Variants in MYZAP observed in about 807,000 individuals in gnomAD.
The protein encoded by MYZAP is GRINL1A complex locus upstream.
In MYZAP, 66 loss-of-function variants were observed where a neutral mutation model predicts 69.4. That is an observed-to-expected ratio of 0.95 (90% CI 0.78 to 1.17). MYZAP has a LOEUF of 1.17. MYZAP is among the 50% of genes most tolerant of loss of function. MYZAP has a pLI of 0.00. For synonymous variants in MYZAP, 256 were observed against 205.9 expected (o/e 1.24, Z -2.09); for missense variants, 611 against 556.2 (o/e 1.10, Z -0.99).
rs568668890 is a variant in MYZAP at position 57,609,021 on chromosome 15, G to A, written c.162+4666G>A. ...TTCCCTTAACCTACAGGACACCCAG[G>A]CTGCCCCTTTCACTTGGCACCTAGC... On this transcript the variant is annotated intron_variant, in intron 2 of 12. Coordinates refer to ENST00000267853, the MANE Select transcript of MYZAP (RefSeq NM_001018100.5). Among the ~76,000 whole-genome samples, 6 of 152,266 alleles carry A rather than the reference G, an allele frequency of 3.9e-5. No homozygotes were observed. In the South Asian group the frequency reaches 6.2e-4, roughly 16 times the overall value.
chr15:57,633,917 C>G (rs1347497877), intron 8 of MYZAP, among the ~76,000 whole-genome samples, 176 bp downstream of exon 8: 1 of 151,882 alleles, frequency 6.6e-6, no homozygotes, highest in Non-Finnish European at 1.5e-5. Context: ...TCTCATTTTT[C>G]CCATGATAAC....
rs148576866 is a variant in MYZAP at position 57,603,778 on chromosome 15, A to G, written c.76-491A>G. Among the ~76,000 whole-genome samples, 4 of 152,308 alleles carry G rather than the reference A, an allele frequency of 2.6e-5. No individual in the cohort carries two copies. The East Asian group carries it at 7.7e-4, about 29-fold the overall frequency. On this transcript the variant is annotated intron_variant, in intron 1 of 12. Coordinates refer to ENST00000267853, the MANE Select transcript of MYZAP (RefSeq NM_001018100.5). ...CTTCCACCTTTTGGCTATTGTGGAT[A>G]ATGCTGCTATGAACATGGGTATATG...
In MYZAP at chr15:57,625,778, G is replaced by A. The variant is rs1203936207; in HGVS notation, c.412-1G>A. The A allele has an allele frequency of 3.7e-6, 6 of 1,614,018 alleles. No homozygotes were observed. Among genetic ancestry groups the A allele is most frequent in the Non-Finnish European group, 3.4e-6 (4 of 1,180,006 alleles). ...TGTGACTGTCTCCTCGATCTGTCCA[G>A]GTTTCCCATGCTCAGCAGGAGTATC... On this transcript the variant is annotated splice_acceptor_variant, in intron 4 of 12. Coordinates refer to ENST00000267853, the MANE Select transcript of MYZAP (RefSeq NM_001018100.5). LOFTEE classifies it high-confidence loss of function.
At position 57,597,949 on chromosome 15, in the gene MYZAP, G is replaced by T. The variant is rs189146798; in HGVS notation, c.75+5840G>T. Among the ~76,000 whole-genome samples the T allele has an allele frequency of 2.1e-4, 32 of 152,294 alleles. No homozygotes were observed. The East Asian group carries it at 5.8e-3, about 28-fold the overall frequency. The stretch of plus-strand genomic sequence containing the variant: ...AAGGGCCCCACCTTTTATCATTAAG[G>T]GGAGCTGGGCAGGGACCCACAGTCA... On this transcript the variant is annotated intron_variant, in intron 1 of 12. Transcript: ENST00000267853.
At chr15:57,638,273 G>T (rs2036932483) in intron 9 of MYZAP, among the ~76,000 whole-genome samples, 1 of 152,182 alleles carries the variant, frequency 6.6e-6, no homozygotes, top group South Asian at 2.1e-4. Flanking sequence ...CCATTCAGGG[G>T]TCTCTAGTGA....
At chr15:57,592,798 G>T (rs2033767459) in intron 1 of MYZAP, among the ~76,000 whole-genome samples, 1 of 152,174 alleles carries the variant, frequency 6.6e-6, no homozygotes, top group African/African-American at 2.4e-5. Context: ...CTCTGTAAAA[G>T]AAATGCTCCA....
In MYZAP at chr15:57,654,002, C is replaced by CAAAAAAAAAAAAAAAAA. The variant is rs398043344; in HGVS notation, c.1120-7434_1120-7418dup. ...CCTGGGTTACAGAGGCAAACGCTGT[C>CAAAAAAAAAAAAAAAAA]AAAAAAAAAAAAAAAAAAAAAAAAA... On this transcript the variant is annotated intron_variant, in intron 10 of 12. Transcript: ENST00000267853. 1.1e-4 allele frequency among the ~76,000 whole-genome samples: 4 copies of CAAAAAAAAAAAAAAAAA among 36,092 alleles called. 1 individual carries two copies. Among genetic ancestry groups the CAAAAAAAAAAAAAAAAA allele is most frequent in the East Asian group, 3.0e-3 (2 of 664 alleles). 23.7% of individuals were successfully genotyped at this position (36,092 alleles called of 152,430 possible).
intron 4 of MYZAP, among the ~76,000 whole-genome samples, chr15:57,623,693 A>T (rs1013161999): frequency 6.6e-6 from 1 of 151,642 alleles, no homozygotes; most frequent in Non-Finnish European, 1.5e-5. Context: ...AGACTGTGCC[A>T]CTGCACTCCA....
intron 8 of MYZAP, among the ~76,000 whole-genome samples, chr15:57,636,395 CT>C (rs2036819021): frequency 6.6e-6 from 1 of 152,182 alleles, no homozygotes; most frequent in East Asian, 1.9e-4. Context: ...TTCCCCACCC[CT>C]TTGGCCTACC....
chr15:57,676,422 G>GTATATATGTATATATATGTA (rs2039125630), intron 12 of MYZAP, among the ~76,000 whole-genome samples: 1 of 24,662 alleles, frequency 4.1e-5, no homozygotes, highest in African/African-American at 6.4e-5. Flanking sequence ...ATATATATGT[G>GTATATATGTATATATATGTA]TATATATATA....
At chr15:57,631,247 T>C (rs868272541) in intron 6 of MYZAP, among the ~76,000 whole-genome samples, 6 of 152,204 alleles carry the variant, frequency 3.9e-5, no homozygotes, top group African/African-American at 1.2e-4. Context: ...GTCTACTCTA[T>C]GTGTGTGTCC....
chr15:57,596,911 A>G (rs1236868628), intron 1 of MYZAP, among the ~76,000 whole-genome samples: 2 of 152,092 alleles, frequency 1.3e-5, no homozygotes, highest in African/African-American at 4.8e-5. Context: ...GCATGCCACC[A>G]TTACTTGCGT....
chr15:57,621,328 A>G (rs1267008452), intron 3 of MYZAP, among the ~76,000 whole-genome samples: 1 of 149,768 alleles, frequency 6.7e-6, no homozygotes, highest in African/African-American at 2.5e-5. Flanking sequence ...CTTCTGCCTC[A>G]GCCTCCCGAG....
chr15:57,653,415 C>T (rs1442447185), intron 10 of MYZAP, among the ~76,000 whole-genome samples: 1 of 151,940 alleles, frequency 6.6e-6, no homozygotes, highest in Admixed American at 6.6e-5. Flanking sequence ...AGGCTTCATT[C>T]ATTTAAAATG....
chr15:57,642,506 T>A (rs1368444598), intron 10 of MYZAP, among the ~76,000 whole-genome samples: 1 of 152,186 alleles, frequency 6.6e-6, no homozygotes, highest in Non-Finnish European at 1.5e-5. Context: ...GTGTAGCGGA[T>A]GTTAAGGACC....
At chr15:57,681,588 A>G (rs532438482) in intron 12 of MYZAP, among the ~76,000 whole-genome samples, 208 of 152,342 alleles carry the variant, frequency 1.4e-3, no homozygotes, top group Middle Eastern at 3.4e-3. Flanking sequence ...GTTCAAGACC[A>G]GACTGGCCCA....
intron 8 of MYZAP, among the ~76,000 whole-genome samples, chr15:57,636,845 C>T (rs151279870): frequency 2.6e-5 from 4 of 152,200 alleles, no homozygotes; most frequent in Admixed American, 6.5e-5. Flanking sequence ...TAGCAAATTT[C>T]CACAAGGTTA....
intron 11 of MYZAP, among the ~76,000 whole-genome samples, chr15:57,665,905 A>G (rs1285883387): frequency 6.6e-6 from 1 of 152,128 alleles, no homozygotes; most frequent in Non-Finnish European, 1.5e-5. Context: ...TTTTACCCTG[A>G]CACCTCTGCT....
chr15:57,633,867 A>G (rs1463691237), intron 8 of MYZAP, 126 bp downstream of exon 8: 2 of 1,123,878 alleles, frequency 1.8e-6, no homozygotes, highest in African/African-American at 1.6e-5. Context: ...AAAAAAAAAG[A>G]CAAAGCTATA....
Sources: gnomAD v4.1 joint callset for allele counts (sites outside exome capture counted in the v4.1 genomes callset) on GRCh38, gnomAD v4.1.1 for gene constraint, MANE v1.5 for transcripts, NCBI Gene and HGNC (gene_info 2026-07-23, HGNC 2026-07-21) for gene names.